Variants in ADAMTSL3 observed in about 807,000 individuals in gnomAD.
ADAMTSL3 encodes the protein ADAMTS like 3, also known as ADAMTS-like protein 3.
ADAMTSL3 carries 128 observed loss-of-function variants against 201.7 expected under a neutral mutation model. The observed-to-expected ratio is 0.63, with a 90% confidence interval of 0.55 to 0.73. The LOEUF is 0.73. Among genes scored for constraint, ADAMTSL3 ranks in the 30% least tolerant of loss-of-function variants. The pLI, the probability that ADAMTSL3 is intolerant of heterozygous loss-of-function variation, is 0.00. For synonymous variants in ADAMTSL3, 738 were observed against 748.4 expected, an observed-to-expected ratio of 0.99 and a Z score of 0.23; for missense variants, 1,990 against 2,119.6, an observed-to-expected ratio of 0.94 and a Z score of 1.20.
At chr15:83,895,570 A>G (rs1022264410) in intron 13 of ADAMTSL3, among the ~76,000 whole-genome samples, 1 of 152,188 alleles carries the variant, frequency 6.6e-6, no homozygotes, top group African/African-American at 2.4e-5. Context: ...CATCGAGGAC[A>G]TATGCAGCTC....
intron 3 of ADAMTSL3, among the ~76,000 whole-genome samples, chr15:83,759,252 G>A (rs773468327): frequency 4.7e-5 from 7 of 149,344 alleles, no homozygotes; most frequent in Non-Finnish European, 8.9e-5. Context: ...TTGAGATGGA[G>A]TCTCGCTCTG....
At chr15:83,689,635 T>C (rs966956122) in intron 2 of ADAMTSL3, among the ~76,000 whole-genome samples, 2 of 152,244 alleles carry the variant, frequency 1.3e-5, no homozygotes, top group Non-Finnish European at 2.9e-5. Context: ...CTACTGTTGA[T>C]GGTTTATTTT....
intron 2 of ADAMTSL3, among the ~76,000 whole-genome samples, chr15:83,704,015 A>AC (rs943872210): frequency 9.9e-5 from 15 of 151,602 alleles, no homozygotes; most frequent in Non-Finnish European, 1.8e-4. Flanking sequence ...AAAAAAAAAA[A>AC]AAACACAAAA....
intron 2 of ADAMTSL3, among the ~76,000 whole-genome samples, chr15:83,662,588 A>G (rs143491140): frequency 0.011 from 1,412 of 133,334 alleles, 22 homozygotes; most frequent in African/African-American, 0.038. Flanking sequence ...AAAAAGAAAA[A>G]AAAGAAAGAA....
At chr15:83,799,575 A>C (rs1277547962) in intron 4 of ADAMTSL3, among the ~76,000 whole-genome samples, 1 of 152,162 alleles carries the variant, frequency 6.6e-6, no homozygotes, top group Admixed American at 6.6e-5. Flanking sequence ...TATTTGAGTC[A>C]ATATATCATC....
At chr15:83,772,717 T>TA (rs1443185721) in intron 3 of ADAMTSL3, among the ~76,000 whole-genome samples, 2 of 151,370 alleles carry the variant, frequency 1.3e-5, no homozygotes, top group African/African-American at 4.9e-5. Flanking sequence ...TTTTTTTTTT[T>TA]TTTTCTGAGA....
chr15:83,691,678 G>A (rs956784726), intron 2 of ADAMTSL3, among the ~76,000 whole-genome samples: 3 of 152,112 alleles, frequency 2.0e-5, no homozygotes, highest in African/African-American at 7.2e-5. Flanking sequence ...GCAATGGTGC[G>A]ATCTTGGCTC....
chr15:83,843,902 A>G lies in ADAMTSL3; in HGVS notation c.727+5687A>G, dbSNP rs116028891. 8.6e-3 allele frequency among the ~76,000 whole-genome samples: 1,311 copies of G among 152,336 alleles called. 13 individuals are homozygous for G. The highest frequency in any genetic ancestry group is 0.03 in the African/African-American group (1,227 of 41,572). ...ATTTCCTGTTCAGAGGGAGGAGGAG[A>G]GAGACGGAACTGACAACCAACATAA... On this transcript the variant is annotated intron_variant, in intron 7 of 29. Transcript: ENST00000286744.
chr15:83,763,714 C>G (rs146413200), intron 3 of ADAMTSL3, among the ~76,000 whole-genome samples: 1 of 152,106 alleles, frequency 6.6e-6, no homozygotes, highest in African/African-American at 2.4e-5. Flanking sequence ...ACCCTGTTAG[C>G]CAGGATGATC....
chr15:83,915,764 T>C (rs1001718348), intron 16 of ADAMTSL3, among the ~76,000 whole-genome samples: 1 of 152,236 alleles, frequency 6.6e-6, no homozygotes, highest in African/African-American at 2.4e-5. Flanking sequence ...CCTCTGTGAC[T>C]GCGATCTTTC....
At chr15:83,691,658 A>G (rs1210919555) in intron 2 of ADAMTSL3, among the ~76,000 whole-genome samples, 1 of 152,206 alleles carries the variant, frequency 6.6e-6, no homozygotes, top group African/African-American at 2.4e-5. Flanking sequence ...ATTATTGCCT[A>G]GGCTGGAGTG....
chr15:83,995,945 C>A (rs1567290512), intron 23 of ADAMTSL3, among the ~76,000 whole-genome samples: 1 of 151,988 alleles, frequency 6.6e-6, no homozygotes, highest in Non-Finnish European at 1.5e-5. Context: ...GAATGCGGAG[C>A]CCACAGCAGA....
At chr15:84,012,004 T>C (rs1178583958) in intron 23 of ADAMTSL3, among the ~76,000 whole-genome samples, 1 of 152,246 alleles carries the variant, frequency 6.6e-6, no homozygotes, top group Admixed American at 6.5e-5. Context: ...TTAAACTTTC[T>C]GTATGTGTAT....
intron 4 of ADAMTSL3, among the ~76,000 whole-genome samples, chr15:83,777,635 G>C (rs777376744): frequency 6.6e-6 from 1 of 151,924 alleles, no homozygotes; most frequent in African/African-American, 2.4e-5. Context: ...CAGCAACCTC[G>C]AGGATTAAAG....
intron 9 of ADAMTSL3, among the ~76,000 whole-genome samples, chr15:83,876,897 A>G (rs921134150): frequency 6.6e-6 from 1 of 152,108 alleles, no homozygotes; most frequent in Non-Finnish European, 1.5e-5. Context: ...GGTTCAAGCT[A>G]TTCTCCTGCC....
chr15:84,035,103 T>C (rs935325941), intron 28 of ADAMTSL3, among the ~76,000 whole-genome samples: 2 of 152,174 alleles, frequency 1.3e-5, no homozygotes, highest in African/African-American at 4.8e-5. Context: ...TTCCTGGGCT[T>C]CAGCTTCTGT....
chr15:84,019,452 A>T (rs2068154867), intron 25 of ADAMTSL3, among the ~76,000 whole-genome samples: 1 of 152,226 alleles, frequency 6.6e-6, no homozygotes, highest in South Asian at 2.1e-4. Flanking sequence ...TGTTCAACTT[A>T]TTGATAATAG....
Position 83,864,490 on chromosome 15 carries a change from T to A in ADAMTSL3, c.802+5650T>A, listed in dbSNP as rs555082664. On this transcript the variant is annotated intron_variant, in intron 8 of 29. Transcript: ENST00000286744. ...AAATCAATAAACGTAATCCAGCATATAAATAGAACCAAAGACAAAAACCAC... is the reference window on the plus strand; with the variant it reads ...AAATCAATAAACGTAATCCAGCATAAAAATAGAACCAAAGACAAAAACCAC... Among the ~76,000 whole-genome samples the A allele has an allele frequency of 6.5e-3, 985 of 152,314 alleles. 8 individuals are homozygous for A. The highest frequency in any genetic ancestry group is 0.022 in the African/African-American group (919 of 41,556).
chr15:83,964,740 A>T (rs12907591), intron 19 of ADAMTSL3, among the ~76,000 whole-genome samples: 21,045 of 152,242 alleles, frequency 0.14, 1,882 homozygotes, highest in Middle Eastern at 0.34. Flanking sequence ...CCATGATTGA[A>T]ATGAAGGAAA....
Sources: allele counts gnomAD v4.1 joint callset (sites outside exome capture counted in the v4.1 genomes callset), GRCh38; gene constraint gnomAD v4.1.1; transcripts MANE v1.5; gene names NCBI Gene and HGNC (gene_info 2026-07-23, HGNC 2026-07-21).